The following SOX6 variants were observed in gnomAD, a reference collection of about 807,000 sequenced individuals.
SOX6 encodes the protein transcription factor SOX-6.
A neutral mutation model predicts 97.8 loss-of-function variants in SOX6; 11 were observed. That is an observed-to-expected ratio of 0.11 (90% CI 0.07 to 0.19). SOX6 has a LOEUF of 0.19. Among genes scored for constraint, SOX6 ranks in the 10% least tolerant of loss-of-function variants. The pLI, the probability that SOX6 is intolerant of heterozygous loss-of-function variation, is 1.00. For synonymous variants in SOX6, 360 were observed against 371.4 expected (o/e 0.97, Z 0.35); for missense variants, 810 against 1,039.5 (o/e 0.78, Z 3.04).
intron 2 of SOX6, among the ~76,000 whole-genome samples, chr11:16,323,770 A>G (rs975427912): frequency 6.6e-6 from 1 of 152,168 alleles, no homozygotes; most frequent in Admixed American, 6.6e-5. Context: ...ATCTGTAACT[A>G]AATTTTAACT....
chr11:16,295,850 G>T (rs1855066347), intron 3 of SOX6, among the ~76,000 whole-genome samples: 1 of 152,028 alleles, frequency 6.6e-6, no homozygotes, highest in African/African-American at 2.4e-5. Context: ...ATTCCAGGGG[G>T]TCACAACAAA....
At chr11:16,666,773 A>G (rs987772407) in intron 3 of SOX6, among the ~76,000 whole-genome samples, 1 of 151,968 alleles carries the variant, frequency 6.6e-6, no homozygotes, top group African/African-American at 2.4e-5. Flanking sequence ...ACCAACCTGG[A>G]TGACAGAGTG....
At chr11:16,505,206 T>G (rs1860766323) in intron 4 of SOX6, among the ~76,000 whole-genome samples, 1 of 152,210 alleles carries the variant, frequency 6.6e-6, no homozygotes, top group Non-Finnish European at 1.5e-5. Flanking sequence ...GATAGTCATA[T>G]GGACAGTGAA....
intron 1 of SOX6, among the ~76,000 whole-genome samples, chr11:16,448,668 T>C (rs1859658022): frequency 6.6e-6 from 1 of 152,172 alleles, no homozygotes; most frequent in Non-Finnish European, 1.5e-5. Flanking sequence ...TTAAGAATAT[T>C]TAATTTGTGG....
intron 12 of SOX6, among the ~76,000 whole-genome samples, chr11:16,023,534 G>A (rs535044353): frequency 3.1e-4 from 47 of 152,248 alleles, no homozygotes; most frequent in African/African-American, 1.1e-3. Context: ...TTAAACAGTA[G>A]AGTGATCTCC....
intron 4 of SOX6, among the ~76,000 whole-genome samples, chr11:16,227,972 C>T (rs962179909): frequency 6.6e-6 from 1 of 152,088 alleles, no homozygotes. Flanking sequence ...CCAAGGCAGG[C>T]GGATCAGCTG....
intron 4 of SOX6, among the ~76,000 whole-genome samples, chr11:16,216,976 G>A (rs1852391115): frequency 6.6e-6 from 1 of 152,142 alleles, no homozygotes; most frequent in Non-Finnish European, 1.5e-5. Flanking sequence ...TGAGGCAAAT[G>A]CCTACTGGCA....
At chr11:16,091,646 C>G (rs1288703411) in intron 9 of SOX6, among the ~76,000 whole-genome samples, 2 of 151,964 alleles carry the variant, frequency 1.3e-5, no homozygotes, top group East Asian at 3.9e-4. Context: ...CAATTGTTCT[C>G]CTCCATCTTT....
chr11:16,546,953 A>C (rs181706299), intron 4 of SOX6, among the ~76,000 whole-genome samples: 38 of 152,326 alleles, frequency 2.5e-4, no homozygotes, highest in Non-Finnish European at 5.0e-4. Context: ...AAAGGACATG[A>C]ATAGATACTT....
At chr11:16,639,160 G>A (rs369238686) in intron 3 of SOX6, among the ~76,000 whole-genome samples, 9 of 152,186 alleles carry the variant, frequency 5.9e-5, no homozygotes, top group Admixed American at 4.6e-4. Flanking sequence ...AGCACCATTT[G>A]TTAAATAGGG....
chr11:16,675,610 A>G (rs1306105910), intron 3 of SOX6, among the ~76,000 whole-genome samples: 2 of 152,214 alleles, frequency 1.3e-5, no homozygotes, highest in Non-Finnish European at 2.9e-5. Context: ...CAGCTTGAAG[A>G]AGTCCCTTTG....
In SOX6 at chr11:15,969,106, G is replaced by T. The variant is rs1853231068; in HGVS notation, c.*3703C>A. The T allele has an allele frequency of 8.3e-6, 1 of 121,094 alleles. No individual in the cohort carries two copies. The highest frequency in any genetic ancestry group is 2.5e-4 in the South Asian group (1 of 4,004). 7.5% of individuals were successfully genotyped at this position (121,094 alleles called of 1,614,324 possible). The stretch of plus-strand genomic sequence containing the variant: ...TTTTTTTTTTTTTTGGGAGAGGATT[G>T]CCTGGCAGTGTCCCAATTCTAAGTG... On this transcript the variant is annotated 3_prime_UTR_variant, in exon 16 of 16. Coordinates refer to ENST00000683767, the MANE Select transcript of SOX6 (RefSeq NM_001367873.1).
intron 3 of SOX6, among the ~76,000 whole-genome samples, chr11:16,292,034 T>C (rs1393970403): frequency 1.3e-5 from 2 of 152,132 alleles, no homozygotes; most frequent in Non-Finnish European, 1.5e-5. Context: ...GGGCAGATCA[T>C]CTGGAATACA....
chr11:16,522,957 A>G (rs1471810230), intron 4 of SOX6, among the ~76,000 whole-genome samples: 1 of 152,222 alleles, frequency 6.6e-6, no homozygotes, highest in Non-Finnish European at 1.5e-5. Context: ...TGCACCCAAT[A>G]CAGGAGCACC....
intron 6 of SOX6, among the ~76,000 whole-genome samples, chr11:16,148,273 T>C (rs564783578): frequency 4.7e-4 from 71 of 152,266 alleles, no homozygotes; most frequent in African/African-American, 1.6e-3. Context: ...GGAAATTTAG[T>C]GTATACTCTC....
chr11:16,733,664 C>A, intron 2 of SOX6, among the ~76,000 whole-genome samples: 1 of 146,410 alleles, frequency 6.8e-6, no homozygotes, highest in Non-Finnish European at 1.5e-5. Flanking sequence ...CATCATGGCA[C>A]GTATATACCT....
intron 3 of SOX6, among the ~76,000 whole-genome samples, chr11:16,638,839 A>G (rs1287194568): frequency 3.3e-5 from 5 of 152,060 alleles, no homozygotes; most frequent in African/African-American, 9.7e-5. Context: ...AGATGAGTAG[A>G]TTGCAAAAAT....
intron 4 of SOX6, among the ~76,000 whole-genome samples, chr11:16,514,762 G>C (rs954309238): frequency 7.1e-6 from 1 of 140,768 alleles, no homozygotes. Context: ...TGTTCTCATT[G>C]TTCAATTGCC....
chr11:16,229,802 G>A (rs1006004262), intron 4 of SOX6, among the ~76,000 whole-genome samples: 1 of 151,770 alleles, frequency 6.6e-6, no homozygotes, highest in Non-Finnish European at 1.5e-5. Flanking sequence ...GATGTTTTAT[G>A]AGAATATTTT....
Sources: allele counts gnomAD v4.1 joint callset (sites outside exome capture counted in the v4.1 genomes callset), GRCh38; gene constraint gnomAD v4.1.1; transcripts MANE v1.5; gene names NCBI Gene and HGNC (gene_info 2026-07-23, HGNC 2026-07-21).